Variants in MYT1L observed in about 807,000 individuals in gnomAD.
The protein encoded by MYT1L is myelin transcription factor 1-like protein.
In MYT1L, 12 loss-of-function variants were observed where a neutral mutation model predicts 126.7. The ratio of observed to expected loss-of-function variants is 0.09; its 90% CI spans 0.06 to 0.15. The LOEUF (loss-of-function observed/expected upper bound fraction) is 0.15, where lower values mean the gene tolerates loss of function less well. Ranked by LOEUF, MYT1L falls within the 10% of genes least tolerant of loss-of-function variation. MYT1L has a pLI of 1.00. For missense variants in MYT1L, 979 were observed against 1,585.2 expected, an observed-to-expected ratio of 0.62 and a Z score of 6.49; for synonymous variants, 541 against 604.2, an observed-to-expected ratio of 0.90 and a Z score of 1.53.
At chr2:2,170,768 A>T (rs544667860) in intron 3 of MYT1L, among the ~76,000 whole-genome samples, 19 of 152,348 alleles carry the variant, frequency 1.2e-4, no homozygotes, top group Admixed American at 1.2e-3. Flanking sequence ...TTAAAAAATG[A>T]GAACATGGAT....
intron 2 of MYT1L, among the ~76,000 whole-genome samples, chr2:2,174,221 C>T (rs989809733): frequency 3.3e-5 from 5 of 152,136 alleles, no homozygotes; most frequent in Non-Finnish European, 5.9e-5. Flanking sequence ...TAAAAATATA[C>T]ACTTAGCTTT....
chr2:2,128,059 A>G (rs991824827), intron 3 of MYT1L, among the ~76,000 whole-genome samples: 31 of 152,244 alleles, frequency 2.0e-4, no homozygotes, highest in African/African-American at 7.5e-4. Flanking sequence ...TAATTATGAA[A>G]AACAACAACT....
chr2:2,158,802 C>T lies in MYT1L; in HGVS notation c.-304+14070G>A, dbSNP rs528495612. Among the ~76,000 whole-genome samples the T allele has an allele frequency of 8.5e-5, 13 of 152,158 alleles. No individual in the cohort carries two copies. In the East Asian group the frequency reaches 2.5e-3, roughly 30 times the overall value. Reference sequence around the variant, plus strand: ...AGCAGAAAGCAATGGTCTATGATGACACGTGTCTTTCACCGACAGGCAGAC... The same window carrying T: ...AGCAGAAAGCAATGGTCTATGATGATACGTGTCTTTCACCGACAGGCAGAC... On this transcript the variant is annotated intron_variant, in intron 3 of 24. Coordinates refer to ENST00000647738, the MANE Select transcript of MYT1L (RefSeq NM_001303052.2).
At chr2:2,219,172 GT>G (rs1310867985) in intron 2 of MYT1L, among the ~76,000 whole-genome samples, 1 of 152,158 alleles carries the variant, frequency 6.6e-6, no homozygotes, top group African/African-American at 2.4e-5. Context: ...GTTTTGCCAT[GT>G]TTCTTTGCAT....
intron 3 of MYT1L, among the ~76,000 whole-genome samples, chr2:2,126,995 C>A (rs532543943): frequency 6.6e-6 from 1 of 152,360 alleles, no homozygotes; most frequent in African/African-American, 2.4e-5. Flanking sequence ...TTCTAGCCTA[C>A]TCAATTCTCT....
chr2:1,829,020 A>G (rs1200641013), intron 21 of MYT1L, among the ~76,000 whole-genome samples: 1 of 152,170 alleles, frequency 6.6e-6, no homozygotes, highest in Non-Finnish European at 1.5e-5. Flanking sequence ...GGCACTGCAC[A>G]TGAGAGAGAA....
chr2:2,104,607 G>T (rs2078512807), intron 3 of MYT1L, among the ~76,000 whole-genome samples: 1 of 152,222 alleles, frequency 6.6e-6, no homozygotes, highest in African/African-American at 2.4e-5. Flanking sequence ...TGACCTTTAT[G>T]GTCTCTGCGT....
intron 2 of MYT1L, among the ~76,000 whole-genome samples, chr2:2,180,000 C>T (rs780135068): frequency 6.6e-6 from 1 of 152,178 alleles, no homozygotes; most frequent in Non-Finnish European, 1.5e-5. Flanking sequence ...CTCGCTGATC[C>T]GTTCATACCT....
At chr2:1,842,232 T>G (rs1226163497) in intron 19 of MYT1L, 1 of 152,354 alleles carries the variant, frequency 6.6e-6, no homozygotes, top group Non-Finnish European at 1.5e-5. Context: ...CTCACTCCCC[T>G]AAAGGGAGGC....
chr2:1,956,203 A>ATCTC (rs2058343975), intron 8 of MYT1L, among the ~76,000 whole-genome samples: 3 of 140,040 alleles, frequency 2.1e-5, no homozygotes, highest in African/African-American at 8.1e-5. Flanking sequence ...CTATCTATCT[A>ATCTC]TCTATCTATC....
At chr2:1,913,434 G>C (rs2052347015) in intron 11 of MYT1L, among the ~76,000 whole-genome samples, 1 of 152,094 alleles carries the variant, frequency 6.6e-6, no homozygotes, top group South Asian at 2.1e-4. Flanking sequence ...GAGGATCCAA[G>C]CACAGTTCCC....
chr2:1,922,565 C>T lies in MYT1L; in HGVS notation c.1204G>A (p.Glu402Lys), dbSNP rs2053699089. 6.2e-7 allele frequency: 1 copy of T among 1,614,048 alleles called. No homozygotes were observed. Among genetic ancestry groups the T allele is most frequent in the Non-Finnish European group, 8.5e-7 (1 of 1,179,900 alleles). The part of the protein sequence containing the change: ...RSRVFASCAK[E>K]DGCHERDDDT... ...TCGTCCCGCTCATGACACCCATCCT[C>T]CTTCGCACAGCTGGCAAACACTCTC... Residue 402 changes from glutamate (E) to lysine (K), a missense_variant, in exon 10 of 25, where the codon GAG becomes AAG. Transcript: ENST00000647738. This position sits in a 1 kb window ranked among gnomAD's most constrained non-coding sequence, Gnocchi z 7.4.
intron 3 of MYT1L, among the ~76,000 whole-genome samples, chr2:2,145,137 G>A (rs867524622): frequency 4.6e-5 from 7 of 152,188 alleles, no homozygotes; most frequent in South Asian, 2.1e-4. Context: ...AGGAGCCCAC[G>A]CCTTAGGAAG....
intron 3 of MYT1L, among the ~76,000 whole-genome samples, chr2:2,092,188 A>G (rs759366482): frequency 4.6e-5 from 7 of 152,198 alleles, no homozygotes; most frequent in Non-Finnish European, 7.3e-5. Flanking sequence ...CTAGCTTTAA[A>G]TTTAACATAA....
chr2:1,990,278 C>T (rs1326929065), intron 5 of MYT1L, among the ~76,000 whole-genome samples: 1 of 152,224 alleles, frequency 6.6e-6, no homozygotes, highest in Admixed American at 6.5e-5. Flanking sequence ...CCTCTATCCT[C>T]TATTGTACCT....
chr2:2,006,931 T>G (rs1288840373), intron 4 of MYT1L, among the ~76,000 whole-genome samples: 1 of 152,142 alleles, frequency 6.6e-6, no homozygotes, highest in Non-Finnish European at 1.5e-5. Context: ...AATACAATAT[T>G]TTTCTTTCTG....
chr2:2,019,551 T>C (rs2064815621), intron 4 of MYT1L, among the ~76,000 whole-genome samples: 2 of 152,220 alleles, frequency 1.3e-5, no homozygotes, highest in African/African-American at 2.4e-5. Flanking sequence ...AAGTGATACA[T>C]AAATATATTC....
intron 18 of MYT1L, among the ~76,000 whole-genome samples, chr2:1,866,105 G>C (rs1388399293): frequency 1.3e-5 from 2 of 152,186 alleles, no homozygotes; most frequent in African/African-American, 4.8e-5. Flanking sequence ...GGAGCAGCTC[G>C]AAGCATCCAG....
intron 1 of MYT1L, among the ~76,000 whole-genome samples, chr2:2,312,781 C>T (rs896824608): frequency 3.9e-5 from 6 of 152,036 alleles, no homozygotes; most frequent in Admixed American, 3.3e-4. Flanking sequence ...ATATTCATTG[C>T]TGCATCAAGG....
Sources: allele counts gnomAD v4.1 joint callset (sites outside exome capture counted in the v4.1 genomes callset), GRCh38; gene constraint gnomAD v4.1.1; non-coding constraint Gnocchi (gnomAD v3.1); transcripts MANE v1.5; gene names NCBI Gene and HGNC (gene_info 2026-07-23, HGNC 2026-07-21).